SYN2: variants seen among roughly 807,000 people sequenced by gnomAD.
The protein encoded by SYN2 is synapsin-2.
In SYN2, 19 loss-of-function variants were observed where a neutral mutation model predicts 50.9. That is an observed-to-expected ratio of 0.37 (90% CI 0.26 to 0.55). The LOEUF (loss-of-function observed/expected upper bound fraction) is 0.55. Ranked by LOEUF, SYN2 falls within the 20% of genes least tolerant of loss-of-function variation. The probability of loss-of-function intolerance (pLI) is 0.81; values close to 1 mark genes in which losing one functional copy is unlikely to be tolerated. For missense variants in SYN2, 587 were observed against 576.4 expected, an observed-to-expected ratio of 1.02 and a Z score of -0.19; for synonymous variants, 255 against 224.9, an observed-to-expected ratio of 1.13 and a Z score of -1.20.
At chr3:12,016,199 G>A (rs1281024784) in intron 1 of SYN2, among the ~76,000 whole-genome samples, 1 of 152,144 alleles carries the variant, frequency 6.6e-6, no homozygotes. Flanking sequence ...TTCCCCTGAT[G>A]AATAGCTAAT....
chr3:12,183,720 G>A, intron 11 of SYN2: 1 of 1,216,380 alleles, frequency 8.2e-7, no homozygotes, highest in East Asian at 5.4e-5. Context: ...CCCAAGTCCA[G>A]TGTGACTTTA....
intron 1 of SYN2, among the ~76,000 whole-genome samples, chr3:12,048,768 A>G (rs1574909168): frequency 6.6e-6 from 1 of 152,246 alleles, no homozygotes; most frequent in Non-Finnish European, 1.5e-5. Flanking sequence ...ATTGAGGCAC[A>G]GGAAAGATAA....
chr3:12,008,830 A>G (rs979188529), intron 1 of SYN2, among the ~76,000 whole-genome samples: 1 of 152,180 alleles, frequency 6.6e-6, no homozygotes, highest in Non-Finnish European at 1.5e-5. Flanking sequence ...ATCAAAAGAG[A>G]TAGGTTTGTC....
At chr3:12,071,238 G>A in intron 1 of SYN2, 1 of 555,444 alleles carries the variant, frequency 1.8e-6, no homozygotes, top group Admixed American at 1.9e-5. Flanking sequence ...TGCCCCCAGA[G>A]CGCAAGTACT....
chr3:12,027,281 C>T (rs1016688351), intron 1 of SYN2, among the ~76,000 whole-genome samples: 3 of 152,244 alleles, frequency 2.0e-5, no homozygotes, highest in East Asian at 1.9e-4. Flanking sequence ...ATTGGAGCAG[C>T]GTGCCTTTTC....
chr3:12,176,146 A>T (rs57465789), intron 10 of SYN2, among the ~76,000 whole-genome samples: 5,251 of 152,048 alleles, frequency 0.035, 280 homozygotes, highest in African/African-American at 0.12. Context: ...CACTGACTTT[A>T]GGGGTCTCTT....
At chr3:12,085,362 C>G (rs1368877378) in intron 1 of SYN2, among the ~76,000 whole-genome samples, 1 of 117,458 alleles carries the variant, frequency 8.5e-6, no homozygotes, top group East Asian at 3.1e-4. Context: ...TACACACACA[C>G]ACACACACAC....
chr3:12,159,035 C>T, intron 5 of SYN2: 1 of 691,920 alleles, frequency 1.4e-6, no homozygotes, highest in Admixed American at 3.5e-5. Flanking sequence ...CTCTTCCGAC[C>T]TGCATACTCA....
chr3:12,055,401 A>G (rs1338186407), intron 1 of SYN2, among the ~76,000 whole-genome samples: 1 of 152,188 alleles, frequency 6.6e-6, no homozygotes. Flanking sequence ...ATTAGACAAG[A>G]AAGCTTTAAA....
intron 1 of SYN2, among the ~76,000 whole-genome samples, chr3:12,037,181 A>C (rs925744319): frequency 6.6e-6 from 1 of 152,188 alleles, no homozygotes. Flanking sequence ...CCCTAAAAAG[A>C]TTTAGGCTCT....
intron 1 of SYN2, among the ~76,000 whole-genome samples, chr3:12,121,455 A>G (rs1696554891): frequency 6.6e-6 from 1 of 152,142 alleles, no homozygotes; most frequent in Non-Finnish European, 1.5e-5. Context: ...TTACCACTAG[A>G]CTACAGACTC....
intron 1 of SYN2, among the ~76,000 whole-genome samples, chr3:12,132,718 G>A (rs1221663254): frequency 6.6e-6 from 1 of 152,192 alleles, no homozygotes; most frequent in Non-Finnish European, 1.5e-5. Context: ...AAATAGGAAA[G>A]CATTACAGCT....
intron 1 of SYN2, among the ~76,000 whole-genome samples, chr3:12,059,566 T>G (rs146800682): frequency 5.1e-4 from 77 of 152,192 alleles, no homozygotes; most frequent in African/African-American, 1.8e-3. Flanking sequence ...CCAGTGGATC[T>G]GCTTGGTGGA....
chr3:12,066,615 G>T (rs1341244025), intron 1 of SYN2, among the ~76,000 whole-genome samples: 1 of 152,038 alleles, frequency 6.6e-6, no homozygotes, highest in Admixed American at 6.6e-5. Flanking sequence ...CCTTACATTT[G>T]TGTACTTATA....
intron 1 of SYN2, among the ~76,000 whole-genome samples, chr3:12,134,326 G>C (rs1696851336): frequency 6.6e-6 from 1 of 152,148 alleles, no homozygotes. Flanking sequence ...TTGGAGATTA[G>C]CCCTCAAGTT....
intron 1 of SYN2, among the ~76,000 whole-genome samples, chr3:12,027,311 A>G (rs974926228): frequency 6.6e-6 from 1 of 152,140 alleles, no homozygotes; most frequent in Non-Finnish European, 1.5e-5. Flanking sequence ...TCAAACACCC[A>G]TCTCCCTGCC....
At chr3:12,094,783 G>T (rs1695893977) in intron 1 of SYN2, among the ~76,000 whole-genome samples, 1 of 152,184 alleles carries the variant, frequency 6.6e-6, no homozygotes, top group South Asian at 2.1e-4. Flanking sequence ...AAGGAGAGAA[G>T]AGTAAAGCAT....
chr3:12,073,281 C>T lies in SYN2; in HGVS notation c.378-67370C>T, dbSNP rs80071570. Reference sequence around the variant, plus strand: ...CTGGTTTCCTGTATGGATTAAGGGGCGCCAAGGTGATGAGTCACCCAGCGA... The same window carrying T: ...CTGGTTTCCTGTATGGATTAAGGGGTGCCAAGGTGATGAGTCACCCAGCGA... On this transcript the variant is annotated intron_variant, in intron 1 of 12. Coordinates refer to ENST00000621198, the MANE Select transcript of SYN2 (RefSeq NM_133625.6). Among the ~76,000 whole-genome samples, 429 of 152,208 alleles carry T rather than the reference C, an allele frequency of 2.8e-3. 2 individuals are homozygous for T. Among genetic ancestry groups the T allele is most frequent in the African/African-American group, 9.9e-3 (410 of 41,522 alleles).
chr3:12,078,253 A>G (rs918127193), intron 1 of SYN2, among the ~76,000 whole-genome samples: 1 of 152,140 alleles, frequency 6.6e-6, no homozygotes, highest in African/African-American at 2.4e-5. Flanking sequence ...ATTTTCTCCC[A>G]TTCTGTAGGT....
Sources: gnomAD v4.1 joint callset for allele counts (sites outside exome capture counted in the v4.1 genomes callset) on GRCh38, gnomAD v4.1.1 for gene constraint, MANE v1.5 for transcripts, NCBI Gene and HGNC (gene_info 2026-07-23, HGNC 2026-07-21) for gene names.